The following MYOF variants were observed in gnomAD, a reference collection of about 807,000 sequenced individuals.
The protein encoded by MYOF is fer-1-like 3, myoferlin.
Under a neutral mutation model 284.2 loss-of-function variants are expected in MYOF, and 244 were observed. The ratio of observed to expected loss-of-function variants is 0.86; its 90% confidence interval spans 0.77 to 0.95. The LOEUF (loss-of-function observed/expected upper bound fraction) is 0.95. MYOF is among the 40% of genes least tolerant of loss of function. The probability of loss-of-function intolerance (pLI) is 0.00; values close to 1 mark genes in which losing one functional copy is unlikely to be tolerated. For synonymous variants in MYOF, 904 were observed against 919.7 expected, an observed-to-expected ratio of 0.98 and a Z score of 0.31; for missense variants, 2,496 against 2,560.6, an observed-to-expected ratio of 0.97 and a Z score of 0.54.
intron 39 of MYOF, chr10:93,338,183 C>T: frequency 3.9e-6 from 2 of 506,792 alleles, no homozygotes; most frequent in South Asian, 2.0e-5. Flanking sequence ...ATGTCTTTTA[C>T]ACACAGTCTA....
chr10:93,340,760 A>AT (rs34675111), intron 38 of MYOF, among the ~76,000 whole-genome samples: 10,822 of 151,582 alleles, frequency 0.071, 1,012 homozygotes, highest in African/African-American at 0.22. Flanking sequence ...CTTTCATGTG[A>AT]TTTTTTTTTA....
chr10:93,373,045 C>T lies in MYOF; in HGVS notation c.2342G>A (p.Arg781Gln), dbSNP rs201519499. 57 of 1,614,128 alleles carry T rather than the reference C, an allele frequency of 3.5e-5. No individual in the cohort carries two copies. Among genetic ancestry groups the T allele is most frequent in the African/African-American group, 1.3e-4 (10 of 75,024 alleles). ...TGCATAGGCCAGTCTCTTCTCTCCC[C>T]GGATCATCCAGATGATGATGTCAGG... is the stretch of plus-strand genomic sequence containing the variant. ...SMPDIIIWMI[R>Q]GEKRLAYARI... The change falls in exon 24 of 54, where the codon CGG (arginine) becomes CAG (glutamine). Residue 781 changes from arginine to glutamine, a missense_variant. Physicochemically the swap from Arg to Gln is conservative, Grantham distance 43 (BLOSUM62 1). Transcript: ENST00000359263.
At chr10:93,340,217 A>G in intron 38 of MYOF, 53 bp from the exon 39 acceptor site, 8 of 1,599,922 alleles carry the variant, frequency 5.0e-6, no homozygotes, top group Non-Finnish European at 6.0e-6. Flanking sequence ...AACAGGTCAC[A>G]TAGATATGGA....
intron 3 of MYOF, among the ~76,000 whole-genome samples, chr10:93,434,892 A>G (rs1012586982): frequency 3.9e-5 from 6 of 152,154 alleles, no homozygotes; most frequent in African/African-American, 7.2e-5. Context: ...GACAAAACAG[A>G]TGAGCCTCCA....
Position 93,408,933 on chromosome 10 carries a change from GA to G in MYOF, c.601-19del. 6.2e-7 allele frequency: 1 copy of G among 1,613,532 alleles called. No homozygotes were observed. Among genetic ancestry groups the G allele is most frequent in the Non-Finnish European group, 8.5e-7 (1 of 1,179,624 alleles). Reference sequence around the variant, plus strand: ...ACGCGGATCTGCAGCACAGAAGGGGGATGGTTACCCAACCTTTCCCAGCACG... The same window carrying G: ...ACGCGGATCTGCAGCACAGAAGGGGGTGGTTACCCAACCTTTCCCAGCACG... On this transcript the variant is annotated intron_variant, in intron 6 of 53. Coordinates refer to ENST00000359263, the MANE Select transcript of MYOF (RefSeq NM_013451.4).
chr10:93,356,212 C>T (rs949315330), intron 30 of MYOF, among the ~76,000 whole-genome samples: 13 of 152,150 alleles, frequency 8.5e-5, no homozygotes, highest in Admixed American at 2.0e-4. Flanking sequence ...CTTTTTCCCC[C>T]GACTTCTTTA....
intron 17 of MYOF, among the ~76,000 whole-genome samples, chr10:93,391,048 C>T (rs1846651344): frequency 6.6e-6 from 1 of 152,216 alleles, no homozygotes; most frequent in South Asian, 2.1e-4. Context: ...AACCTCACTT[C>T]TCCTCCACCT....
At chr10:93,383,670 T>C (rs1365753404) in intron 19 of MYOF, among the ~76,000 whole-genome samples, 2 of 152,220 alleles carry the variant, frequency 1.3e-5, no homozygotes. Flanking sequence ...CATAACTACA[T>C]ACAGCATAAC....
intron 1 of MYOF, among the ~76,000 whole-genome samples, chr10:93,463,848 G>C (rs553713593): frequency 8.1e-6 from 1 of 122,822 alleles, no homozygotes; most frequent in African/African-American, 3.2e-5. Flanking sequence ...CTGGGTGTTA[G>C]AGCAAGACCC....
chr10:93,421,799 A>G (rs1848367882), intron 5 of MYOF, among the ~76,000 whole-genome samples: 1 of 152,230 alleles, frequency 6.6e-6, no homozygotes, highest in Admixed American at 6.5e-5. Flanking sequence ...CCATGAGCCA[A>G]ATAAACTTCT....
chr10:93,341,913 A>G (rs910383290), intron 38 of MYOF: 1 of 1,289,714 alleles, frequency 7.8e-7, no homozygotes, highest in Admixed American at 2.3e-5. Context: ...TCATACATAC[A>G]TGCACTGTCG....
chr10:93,323,539 C>A (rs1407267719), intron 46 of MYOF, 181 bp from the exon 47 acceptor site: 2 of 595,024 alleles, frequency 3.4e-6, no homozygotes, highest in African/African-American at 1.9e-5. Flanking sequence ...TGTACAATGT[C>A]ATTTAGGCCA....
chr10:93,327,136 TC>T (rs970231567), intron 45 of MYOF, among the ~76,000 whole-genome samples: 1 of 152,006 alleles, frequency 6.6e-6, no homozygotes. Context: ...GGGGACACCA[TC>T]CACATGTAAG....
chr10:93,406,288 T>TTATTTATATATATATATATATATATATA (rs1554855590), intron 7 of MYOF, among the ~76,000 whole-genome samples: 2 of 58,128 alleles, frequency 3.4e-5, no homozygotes, highest in South Asian at 1.0e-3. Context: ...TAAACCTCTT[T>TTATTTATATATATATATATATATATATA]TATATATATA....
chr10:93,403,075 C>T (rs1007728961), intron 9 of MYOF, among the ~76,000 whole-genome samples, 185 bp from the exon 10 acceptor site: 1 of 152,152 alleles, frequency 6.6e-6, no homozygotes, highest in Admixed American at 6.5e-5. Flanking sequence ...ACATGGAAGA[C>T]CCTCAGTAAG....
intron 1 of MYOF, among the ~76,000 whole-genome samples, chr10:93,471,382 T>C (rs191026252): frequency 6.6e-6 from 1 of 152,216 alleles, no homozygotes; most frequent in East Asian, 1.9e-4. Flanking sequence ...TGGATCCTAA[T>C]GACTCCAACC....
intron 46 of MYOF, among the ~76,000 whole-genome samples, chr10:93,325,488 A>G (rs1843005681): frequency 6.6e-6 from 1 of 152,168 alleles, no homozygotes; most frequent in Admixed American, 6.5e-5. Context: ...CTGCATTACA[A>G]CACACAAGCA....
intron 3 of MYOF, among the ~76,000 whole-genome samples, chr10:93,433,693 T>C (rs1310824635): frequency 6.6e-6 from 1 of 152,258 alleles, no homozygotes; most frequent in Non-Finnish European, 1.5e-5. Context: ...AAAATTCATC[T>C]TGTGGAAATG....
rs1844421435 is a variant in MYOF at position 93,349,910 on chromosome 10, G to C, written c.3981C>G (p.Pro1327=). 2 of 1,614,074 alleles carry C rather than the reference G, an allele frequency of 1.2e-6. No homozygotes were observed. The highest frequency in any genetic ancestry group is 1.6e-4 in the Middle Eastern group (1 of 6,062). ...CTCCTCCACACTCCACAACAAGACT[G>C]GGGGATGTGATAGAAGCCATCTGGA... is the stretch of plus-strand genomic sequence containing the variant. ...KNFQMASITS[P]SLVVECGGER... Residue 1327 remains proline, a synonymous_variant, in exon 36 of 54, where the codon CCC becomes CCG. Coordinates refer to ENST00000359263, the MANE Select transcript of MYOF (RefSeq NM_013451.4).
Sources: allele counts gnomAD v4.1 joint callset (sites outside exome capture counted in the v4.1 genomes callset), GRCh38; gene constraint gnomAD v4.1.1; transcripts MANE v1.5; gene names NCBI Gene and HGNC (gene_info 2026-07-23, HGNC 2026-07-21).